The following BAZ1A variants were observed in gnomAD, a reference collection of about 807,000 sequenced individuals.
BAZ1A encodes the protein bromodomain adjacent to zinc finger domain 1A.
BAZ1A carries 50 observed loss-of-function variants against 185.2 expected under a neutral mutation model. The ratio of observed to expected loss-of-function variants is 0.27; its 90% CI spans 0.22 to 0.34. The LOEUF is 0.34. BAZ1A is among the 10% of genes least tolerant of loss of function. The pLI is 1.00. For synonymous variants in BAZ1A, 571 were observed against 615.6 expected (o/e 0.93, Z 1.07); for missense variants, 1,356 against 1,839.9 (o/e 0.74, Z 4.81).
intron 3 of BAZ1A, among the ~76,000 whole-genome samples, chr14:34,830,164 CAT>C (rs1250161739): frequency 6.6e-6 from 1 of 152,088 alleles, no homozygotes; most frequent in Non-Finnish European, 1.5e-5. Flanking sequence ...AGACATAAAA[CAT>C]ATGTCCACAC....
At position 34,776,138 on chromosome 14, in the gene BAZ1A, C is replaced by A; in HGVS notation, c.2614G>T (p.Asp872Tyr). Reference protein sequence around the residue: ...PLMSESTSNIDQGPRDHSVQL... With the variant: ...PLMSESTSNIYQGPRDHSVQL... ...ACAGAATGGTCACGTGGACCTTGGTCAATGTTGGAGGTAGATTCAGACATC... is the reference window on the plus strand; with the variant it reads ...ACAGAATGGTCACGTGGACCTTGGTAAATGTTGGAGGTAGATTCAGACATC... Residue 872 changes from aspartate (D) to tyrosine (Y), a missense_variant, in exon 18 of 27, where the codon GAC becomes TAC. Physicochemically the swap from Asp to Tyr is radical, Grantham distance 160 (BLOSUM62 -3). Around this residue, in one of 7 missense-constraint regions of BAZ1A, gnomAD observed 434 missense variants for 561.7 expected, o/e 0.77. Transcript: ENST00000360310. The A allele has an allele frequency of 6.2e-7, 1 of 1,614,124 alleles. No individual in the cohort carries two copies. The highest frequency in any genetic ancestry group is 1.1e-5 in the South Asian group (1 of 91,060).
At chr14:34,819,559 A>G (rs2042056179) in intron 4 of BAZ1A, among the ~76,000 whole-genome samples, 1 of 152,232 alleles carries the variant, frequency 6.6e-6, no homozygotes, top group Non-Finnish European at 1.5e-5. Flanking sequence ...AATTTCTTTT[A>G]GTACATGTGC....
intron 3 of BAZ1A, among the ~76,000 whole-genome samples, chr14:34,844,783 A>ACACACGCGCG (rs913818316): frequency 1.1e-4 from 3 of 27,014 alleles, no homozygotes; most frequent in African/African-American, 3.0e-4. Flanking sequence ...ACGCGCACAC[A>ACACACGCGCG]CACACACACA....
chr14:34,793,414 C>T (rs1880977077), intron 11 of BAZ1A, among the ~76,000 whole-genome samples: 1 of 152,152 alleles, frequency 6.6e-6, no homozygotes, highest in African/African-American at 2.4e-5. Flanking sequence ...TTTAGACCTC[C>T]TTGATCTATA....
intron 26 of BAZ1A, 127 bp downstream of exon 26, chr14:34,754,700 C>G: frequency 1.7e-6 from 1 of 594,090 alleles, no homozygotes; most frequent in Non-Finnish European, 2.9e-6. Context: ...TACACAACTA[C>G]ATCAACACAC....
At chr14:34,758,891 AT>A (rs1250265624) in intron 24 of BAZ1A, 45 bp from the exon 25 acceptor site, 48 of 1,597,252 alleles carry the variant, frequency 3.0e-5, no homozygotes, top group Non-Finnish European at 4.0e-5. Flanking sequence ...AAAGCAAAAT[AT>A]TGGTTCACTA....
intron 3 of BAZ1A, among the ~76,000 whole-genome samples, chr14:34,849,562 A>G (rs2042566362): frequency 1.3e-5 from 2 of 152,186 alleles, no homozygotes; most frequent in African/African-American, 4.8e-5. Flanking sequence ...AAAATTTATA[A>G]ACTTTACTTC....
At chr14:34,836,378 C>CAAAAAAAAAAAAAAAAAAAA (rs773500177) in intron 3 of BAZ1A, among the ~76,000 whole-genome samples, 1 of 13,120 alleles carries the variant, frequency 7.6e-5, no homozygotes. Flanking sequence ...GACTCCGTCT[C>CAAAAAAAAAAAAAAAAAAAA]AAAAAAAAAA....
chr14:34,845,352 G>A (rs1427492505), intron 3 of BAZ1A: 1 of 148,716 alleles, frequency 6.7e-6, no homozygotes, highest in Non-Finnish European at 1.5e-5. Flanking sequence ...TAAAAGAGCT[G>A]TAACGCTTCT....
At chr14:34,784,057 A>T in intron 14 of BAZ1A, 130 bp from the exon 15 acceptor site, 1 of 807,292 alleles carries the variant, frequency 1.2e-6, no homozygotes, top group Non-Finnish European at 1.8e-6. Flanking sequence ...AAACATGTCA[A>T]TGACATGTCT....
At chr14:34,856,610 C>T (rs2042682831) in intron 3 of BAZ1A, among the ~76,000 whole-genome samples, 1 of 152,094 alleles carries the variant, frequency 6.6e-6, no homozygotes, top group East Asian at 1.9e-4. Context: ...TTAGTCGCAG[C>T]ACTTTGAAAG....
intron 3 of BAZ1A, among the ~76,000 whole-genome samples, chr14:34,829,414 A>AT (rs1193134547): frequency 6.6e-6 from 1 of 151,830 alleles, no homozygotes. Flanking sequence ...ATAAATAAAA[A>AT]TAAAAAAAAA....
At chr14:34,781,955 GGTT>G (rs1280783194) in intron 16 of BAZ1A, among the ~76,000 whole-genome samples, 1 of 152,100 alleles carries the variant, frequency 6.6e-6, no homozygotes, top group Non-Finnish European at 1.5e-5. Flanking sequence ...TGGACATTTG[GGTT>G]GTTATCACTT....
chr14:34,823,200 T>C (rs1289817084), intron 4 of BAZ1A, among the ~76,000 whole-genome samples: 4 of 150,522 alleles, frequency 2.7e-5, no homozygotes, highest in African/African-American at 9.8e-5. Flanking sequence ...CTAAAAAATA[T>C]AAAACCTAGC....
intron 6 of BAZ1A, among the ~76,000 whole-genome samples, chr14:34,805,994 A>G (rs1881836165): frequency 6.6e-6 from 1 of 151,424 alleles, no homozygotes; most frequent in Admixed American, 6.6e-5. Flanking sequence ...TTTATGCTCA[A>G]TCTCATCCTT....
At chr14:34,827,968 C>T (rs753441457) in intron 3 of BAZ1A, among the ~76,000 whole-genome samples, 11 of 151,784 alleles carry the variant, frequency 7.2e-5, no homozygotes, top group Non-Finnish European at 1.2e-4. Context: ...TTTTATGGGC[C>T]ATGATTTTAG....
chr14:34,833,566 A>G (rs938145333), intron 3 of BAZ1A, among the ~76,000 whole-genome samples: 4 of 152,116 alleles, frequency 2.6e-5, no homozygotes, highest in Non-Finnish European at 5.9e-5. Flanking sequence ...CAAAAAAGAA[A>G]ACATTATGTT....
rs139563537 is a variant in BAZ1A at position 34,845,438 on chromosome 14, C to T, written c.392+16606G>A. 204 of 152,168 alleles carry T rather than the reference C, an allele frequency of 1.3e-3. 1 individual carries two copies. The highest frequency in any genetic ancestry group is 4.5e-3 in the African/African-American group (187 of 41,512). 9.4% of individuals were successfully genotyped at this position (152,168 alleles called of 1,614,324 possible). A position where few individuals can be genotyped will look rare whatever the true frequency, so the allele number is the denominator to read the frequency against. On this transcript the variant is annotated intron_variant, in intron 3 of 26. Transcript: ENST00000360310. ...ATTTTTAAACTAATTCTGATGCATA[C>T]GTCAAATGAATTCCACTTGTATTCA...
chr14:34,840,984 T>TG lies in BAZ1A; in HGVS notation c.393-14829dup, dbSNP rs554833451. On this transcript the variant is annotated intron_variant, in intron 3 of 26. Coordinates refer to ENST00000360310, the MANE Select transcript of BAZ1A (RefSeq NM_013448.3). ...TTTTTTTGAGATGGAGTTTCGCTCT[T>TG]GTTGTCCAGGACAGAATGCAATGGC... is the stretch of plus-strand genomic sequence containing the variant. 3.1e-3 allele frequency among the ~76,000 whole-genome samples: 470 copies of TG among 152,190 alleles called. 3 individuals are homozygous for TG. The highest frequency in any genetic ancestry group is 0.011 in the African/African-American group (448 of 41,512).
Sources: gnomAD v4.1 joint callset for allele counts (sites outside exome capture counted in the v4.1 genomes callset) on GRCh38, gnomAD v4.1.1 for gene constraint, gnomAD v4.1.1 regional missense constraint, MANE v1.5 for transcripts, NCBI Gene and HGNC (gene_info 2026-07-23, HGNC 2026-07-21) for gene names.